The following ABLIM2 variants were observed in gnomAD, a reference collection of about 807,000 sequenced individuals.
ABLIM2 encodes actin-binding LIM protein 2.
A neutral mutation model predicts 97.7 loss-of-function variants in ABLIM2; 53 were observed. The ratio of observed to expected loss-of-function variants is 0.54; its 90% CI spans 0.44 to 0.68. The LOEUF (loss-of-function observed/expected upper bound fraction) is 0.68, where lower values mean the gene tolerates loss of function less well. Ranked by LOEUF, ABLIM2 falls within the 30% of genes least tolerant of loss-of-function variation. ABLIM2 has a pLI of 0.00. For synonymous variants in ABLIM2, 361 were observed against 345.8 expected, an observed-to-expected ratio of 1.04 and a Z score of -0.49; for missense variants, 835 against 867.2, an observed-to-expected ratio of 0.96 and a Z score of 0.47.
chr4:7,980,923 T>C (rs1322197916), intron 20 of ABLIM2, among the ~76,000 whole-genome samples: 1 of 146,188 alleles, frequency 6.8e-6, no homozygotes, highest in Non-Finnish European at 1.5e-5. Context: ...ATAAGAACCA[T>C]GGTCTCCACA....
intron 1 of ABLIM2, among the ~76,000 whole-genome samples, chr4:8,119,176 G>A (rs1014779916): frequency 6.6e-6 from 1 of 152,102 alleles, no homozygotes; most frequent in Non-Finnish European, 1.5e-5. Flanking sequence ...TCTCAAACGT[G>A]TCTCAGGGTG....
chr4:8,051,672 A>C (rs570996382), intron 8 of ABLIM2, among the ~76,000 whole-genome samples: 2 of 152,232 alleles, frequency 1.3e-5, no homozygotes, highest in African/African-American at 4.8e-5. Context: ...CCAGGCAGGC[A>C]CCGTTTGATA....
rs538060444 is a variant in ABLIM2, at chr4:8,021,049, T to A, written c.1268-746A>T. On this transcript the variant is annotated intron_variant, in intron 12 of 20. Coordinates refer to ENST00000447017, the MANE Select transcript of ABLIM2 (RefSeq NM_001130083.2). This position sits in a 1 kb window ranked among gnomAD's most constrained non-coding sequence, Gnocchi z 5.5. ...TTTTTTTAATTTTGTAAAGATGGGG[T>A]TTTGCCACGTTGCCCTGGCTGGTCT... 6.6e-6 allele frequency among the ~76,000 whole-genome samples: 1 copy of A among 151,678 alleles called. No homozygotes were observed. Among genetic ancestry groups the A allele is most frequent in the Non-Finnish European group, 1.5e-5 (1 of 67,886 alleles).
rs558608709 is a variant in ABLIM2 at position 8,112,604 on chromosome 4, G to A, written c.11-5967C>T. ...TCTACTCGAGGTTTCCCAGTCCAGA[G>A]CGGGAGTCCACAAGCATTTTCAGGA... On this transcript the variant is annotated intron_variant, in intron 1 of 20. Coordinates refer to ENST00000447017, the MANE Select transcript of ABLIM2 (RefSeq NM_001130083.2). The surrounding 1 kb of genome is among the most constrained non-coding windows in gnomAD (Gnocchi z 4.2). Among the ~76,000 whole-genome samples, 4 of 152,320 alleles carry A rather than the reference G, an allele frequency of 2.6e-5. No individual in the cohort carries two copies. In the East Asian group the frequency reaches 7.7e-4, roughly 29 times the overall value.
At chr4:8,103,181 C>T (rs547634886) in intron 2 of ABLIM2, among the ~76,000 whole-genome samples, 12 of 152,208 alleles carry the variant, frequency 7.9e-5, no homozygotes, top group Non-Finnish European at 1.5e-4. Context: ...GGGGCTACCT[C>T]CAGACTTCGT....
intron 20 of ABLIM2, among the ~76,000 whole-genome samples, chr4:7,972,152 T>C (rs938441599): frequency 1.3e-5 from 2 of 152,104 alleles, no homozygotes; most frequent in African/African-American, 4.8e-5. Context: ...CTTCCCTCCA[T>C]ACCCCGGGAC....
At chr4:8,041,099 G>A (rs764574703) in intron 9 of ABLIM2, among the ~76,000 whole-genome samples, 13 of 152,216 alleles carry the variant, frequency 8.5e-5, no homozygotes, top group Non-Finnish European at 1.5e-4. Flanking sequence ...CTACTTGGCC[G>A]AGCAGGAAGT....
intron 9 of ABLIM2, among the ~76,000 whole-genome samples, chr4:8,038,865 T>A (rs13147575): frequency 4.6e-5 from 7 of 151,980 alleles, no homozygotes; most frequent in Non-Finnish European, 1.5e-5. Context: ...TACCCACTTA[T>A]CCATGCCACT....
At position 8,130,823 on chromosome 4, in the gene ABLIM2, G is replaced by C. The variant is rs913024605; in HGVS notation, c.11-24186C>G. Reference sequence around the variant, plus strand: ...TGGGCTGATGTCAAGGCAGCCCCAAGGCCGAGCTCCCCGAAGGCTCTAGGG... The same window carrying C: ...TGGGCTGATGTCAAGGCAGCCCCAACGCCGAGCTCCCCGAAGGCTCTAGGG... On this transcript the variant is annotated intron_variant, in intron 1 of 20. Transcript: ENST00000447017. The surrounding 1 kb of genome is among the most constrained non-coding windows in gnomAD (Gnocchi z 4.2). 6.6e-6 allele frequency among the ~76,000 whole-genome samples: 1 copy of C among 152,228 alleles called. No individual in the cohort carries two copies. Among genetic ancestry groups the C allele is most frequent in the Non-Finnish European group, 1.5e-5 (1 of 68,036 alleles).
chr4:8,035,852 G>C (rs1301472562), intron 10 of ABLIM2, among the ~76,000 whole-genome samples: 2 of 152,224 alleles, frequency 1.3e-5, no homozygotes, highest in Non-Finnish European at 1.5e-5. Flanking sequence ...GATTTTCACT[G>C]AGTCACTATC....
chr4:7,989,954 T>C (rs1357359387), intron 17 of ABLIM2, among the ~76,000 whole-genome samples: 1 of 152,210 alleles, frequency 6.6e-6, no homozygotes. Flanking sequence ...GCATCTACCA[T>C]GCATCAGGCA....
At chr4:8,035,510 G>A (rs1784010602) in intron 10 of ABLIM2, among the ~76,000 whole-genome samples, 1 of 152,222 alleles carries the variant, frequency 6.6e-6, no homozygotes. Context: ...CAACAGCCTG[G>A]CAACGCCTCC....
chr4:8,126,289 C>A (rs1847885352), intron 1 of ABLIM2, among the ~76,000 whole-genome samples: 1 of 152,134 alleles, frequency 6.6e-6, no homozygotes, highest in Non-Finnish European at 1.5e-5. Flanking sequence ...GGCACCAGGC[C>A]TCGTGCCCAC....
chr4:8,029,898 C>G, intron 10 of ABLIM2, 122 bp from the exon 11 acceptor site: 1 of 1,322,508 alleles, frequency 7.6e-7, no homozygotes, highest in Non-Finnish European at 1.0e-6. Context: ...CTCAACATGG[C>G]CCCATGTGGG....
chr4:8,152,968 G>A (rs1438056299), intron 1 of ABLIM2, among the ~76,000 whole-genome samples: 2 of 152,190 alleles, frequency 1.3e-5, no homozygotes, highest in Non-Finnish European at 2.9e-5. Flanking sequence ...GCCCTACCCA[G>A]GCAGAGGCAC....
chr4:8,019,660 T>G lies in ABLIM2; in HGVS notation c.1381A>C (p.Lys461Gln). The change falls in exon 14 of 21, where the codon AAA (lysine) becomes CAA (glutamine). Residue 461 changes from lysine (K) to glutamine (Q), a missense_variant. By Grantham distance (53) the Lys-to-Gln change is moderately conservative. Transcript: ENST00000447017. This position sits in a 1 kb window ranked among gnomAD's most constrained non-coding sequence, Gnocchi z 4.3. ...RHFHVPDTGV[K>Q]DNIYRKPPIY... ...GGGGGTTTCCTATAGATGTTATCTT[T>G]TACGCCAGTGTCTGGGGAAGAAGAA... 6.2e-7 allele frequency: 1 copy of G among 1,612,450 alleles called. No homozygotes were observed.
chr4:8,109,072 C>G (rs1838997747), intron 1 of ABLIM2, among the ~76,000 whole-genome samples: 1 of 152,242 alleles, frequency 6.6e-6, no homozygotes, highest in Non-Finnish European at 1.5e-5. Flanking sequence ...CATGTCCCAG[C>G]TCATCCCGTG....
chr4:8,048,090 G>A (rs985826051), intron 8 of ABLIM2, among the ~76,000 whole-genome samples: 1 of 152,228 alleles, frequency 6.6e-6, no homozygotes, highest in African/African-American at 2.4e-5. Context: ...GCATGTTTGA[G>A]GGGGTCTAGG....
At chr4:8,102,871 G>A (rs1204410981) in intron 2 of ABLIM2, among the ~76,000 whole-genome samples, 1 of 152,254 alleles carries the variant, frequency 6.6e-6, no homozygotes, top group African/African-American at 2.4e-5. Context: ...TGCCGGTGGG[G>A]GTGAACGTGT....
Sources: gnomAD v4.1 joint callset for allele counts (sites outside exome capture counted in the v4.1 genomes callset) on GRCh38, gnomAD v4.1.1 for gene constraint, Gnocchi (gnomAD v3.1) non-coding constraint, MANE v1.5 for transcripts, NCBI Gene and HGNC (gene_info 2026-07-23, HGNC 2026-07-21) for gene names.